The following PTPRA variants were observed in gnomAD, a reference collection of about 807,000 sequenced individuals.
PTPRA encodes the protein protein tyrosine phosphatase receptor type A.
In PTPRA, 25 loss-of-function variants were observed where a neutral mutation model predicts 104.8. The observed-to-expected ratio is 0.24, with a 90% CI of 0.17 to 0.33. The LOEUF (loss-of-function observed/expected upper bound fraction) is 0.33, where lower values mean the gene tolerates loss of function less well. Among genes scored for constraint, PTPRA ranks in the 10% least tolerant of loss-of-function variants. The pLI, the probability that PTPRA is intolerant of heterozygous loss-of-function variation, is 1.00. For synonymous variants in PTPRA, 323 were observed against 368.9 expected (o/e 0.88, Z 1.43); for missense variants, 765 against 1,015.3 (o/e 0.75, Z 3.35).
intron 3 of PTPRA, among the ~76,000 whole-genome samples, chr20:2,963,094 T>C (rs972941774): frequency 7.2e-5 from 11 of 152,160 alleles, no homozygotes; most frequent in Admixed American, 4.6e-4. Flanking sequence ...TGCTACTATC[T>C]TACATGGTTC....
chr20:2,927,881 G>A (rs182144973), intron 2 of PTPRA, among the ~76,000 whole-genome samples: 2 of 151,884 alleles, frequency 1.3e-5, no homozygotes, highest in Admixed American at 1.3e-4. Context: ...GTGGTGGTGG[G>A]TGCCTGTAAT....
chr20:3,008,048 T>C (rs151035514), intron 11 of PTPRA, among the ~76,000 whole-genome samples: 1 of 152,272 alleles, frequency 6.6e-6, no homozygotes, highest in African/African-American at 2.4e-5. Context: ...TTTTATAGGT[T>C]TGGGGGAAGC....
chr20:2,984,330 A>G (rs762328891), intron 6 of PTPRA, among the ~76,000 whole-genome samples: 2 of 152,072 alleles, frequency 1.3e-5, no homozygotes, highest in Non-Finnish European at 2.9e-5. Flanking sequence ...TCCTTTTTCT[A>G]TCTTTATTTC....
intron 1 of PTPRA, among the ~76,000 whole-genome samples, chr20:2,920,714 T>G (rs1258614236): frequency 2.0e-5 from 3 of 151,356 alleles, no homozygotes; most frequent in African/African-American, 7.3e-5. Flanking sequence ...GGTGAGGGTG[T>G]ATGTCAGAGG....
chr20:2,921,580 C>T (rs141463805), intron 1 of PTPRA, among the ~76,000 whole-genome samples: 1 of 151,708 alleles, frequency 6.6e-6, no homozygotes, highest in African/African-American at 2.4e-5. Context: ...TTTTTCCCCC[C>T]AGTGATTCTT....
At chr20:2,877,149 T>C (rs1270088300) in intron 1 of PTPRA, among the ~76,000 whole-genome samples, 1 of 152,156 alleles carries the variant, frequency 6.6e-6, no homozygotes, top group Non-Finnish European at 1.5e-5. Flanking sequence ...CAGGGGAAGT[T>C]TGAGTTATGA....
intron 2 of PTPRA, among the ~76,000 whole-genome samples, chr20:2,929,842 A>AG (rs1346779498): frequency 3.3e-5 from 5 of 152,122 alleles, no homozygotes; most frequent in Admixed American, 6.6e-5. Context: ...GGAAAAAAAA[A>AG]TTTTAAGTAG....
At chr20:3,017,962 A>C (rs1249168700) in intron 13 of PTPRA, 49 bp downstream of exon 13, 5 of 1,479,960 alleles carry the variant, frequency 3.4e-6, no homozygotes, top group Middle Eastern at 3.5e-4. Flanking sequence ...CTCTGCATAT[A>C]AGCTCTGAGT....
intron 2 of PTPRA, among the ~76,000 whole-genome samples, chr20:2,935,278 A>C (rs749314071): frequency 6.6e-6 from 1 of 152,176 alleles, no homozygotes; most frequent in African/African-American, 2.4e-5. Context: ...TTCGTTTAAC[A>C]TAATGTCCTC....
intron 9 of PTPRA, among the ~76,000 whole-genome samples, chr20:3,003,553 T>G (rs2063728965): frequency 6.6e-6 from 1 of 152,176 alleles, no homozygotes; most frequent in African/African-American, 2.4e-5. Context: ...CTTTCTTGTT[T>G]GTTTTTATAG....
chr20:2,964,944 A>T lies in PTPRA; in HGVS notation c.157A>T (p.Thr53Ser). ...AGAAGAGGCCAAAACTTCAAATCCA[A>T]CTTCTTCACTAACTTCTCTTTCTGT... ...VKEEAKTSNP[T>S]SSLTSLSVAP... Residue 53 changes from threonine (T) to serine (S), a missense_variant, in exon 5 of 24, where the codon ACT (threonine) becomes TCT (serine). Physicochemically the swap from Thr to Ser is moderately conservative, Grantham distance 58. This residue lies in a region of PTPRA where 256 missense variants were observed against 248.9 expected (regional missense o/e 1.03). Coordinates refer to ENST00000399903, the MANE Select transcript of PTPRA (RefSeq NM_001385305.1). 6.2e-7 allele frequency: 1 copy of T among 1,613,950 alleles called. No homozygotes were observed. The highest frequency in any genetic ancestry group is 8.5e-7 in the Non-Finnish European group (1 of 1,179,828).
intron 10 of PTPRA, among the ~76,000 whole-genome samples, chr20:3,005,824 CT>C (rs2148301909): frequency 6.6e-6 from 1 of 152,214 alleles, no homozygotes; most frequent in South Asian, 2.1e-4. Flanking sequence ...GCAGAGTTCT[CT>C]GTATAAACCC....
intron 2 of PTPRA, among the ~76,000 whole-genome samples, chr20:2,926,931 C>T (rs2060322084): frequency 6.6e-6 from 1 of 151,952 alleles, no homozygotes; most frequent in Non-Finnish European, 1.5e-5. Context: ...GCTGGGATTA[C>T]AGGCACCCGC....
intron 3 of PTPRA, chr20:2,955,688 C>T: frequency 1.0e-6 from 1 of 983,578 alleles, no homozygotes; most frequent in Non-Finnish European, 1.2e-6. Flanking sequence ...CTACTCCACC[C>T]TCCCCTGGTG....
At position 3,037,196 on chromosome 20, in the gene PTPRA, C is replaced by A; in HGVS notation, c.2241C>A (p.Thr747=). ...CGGGGACCTTCTGTGCCCTGAGCAC[C>A]GTCCTGGAGCGTGTGAAAGCAGAGG... The part of the protein sequence containing the change: ...GRTGTFCALS[T]VLERVKAEGI... The change falls in exon 23 of 24, where the codon ACC becomes ACA. Residue 747 remains threonine (T), a synonymous_variant. Transcript: ENST00000399903. This position sits in a 1 kb window ranked among gnomAD's most constrained non-coding sequence, Gnocchi z 4.3. The A allele has an allele frequency of 1.2e-6, 2 of 1,614,176 alleles. No individual in the cohort carries two copies. The highest frequency in any genetic ancestry group is 1.7e-6 in the Non-Finnish European group (2 of 1,180,002).
At chr20:2,958,175 G>T (rs987025145) in intron 3 of PTPRA, among the ~76,000 whole-genome samples, 1 of 152,200 alleles carries the variant, frequency 6.6e-6, no homozygotes, top group Non-Finnish European at 1.5e-5. Context: ...GAAGGCCTGG[G>T]TGAGGTCAGA....
intron 5 of PTPRA, among the ~76,000 whole-genome samples, chr20:2,972,311 AC>A (rs1395978229): frequency 6.6e-6 from 1 of 151,646 alleles, no homozygotes; most frequent in Non-Finnish European, 1.5e-5. Context: ...ACTTAAGCAA[AC>A]CCCACCTCAG....
At chr20:2,924,207 G>C (rs35676594) in intron 2 of PTPRA, among the ~76,000 whole-genome samples, 5,344 of 152,122 alleles carry the variant, frequency 0.035, 260 homozygotes, top group African/African-American at 0.11. Context: ...CAGTTGACCA[G>C]CCTGGTCAAC....
the PTPRA span, among the ~76,000 whole-genome samples, chr20:2,867,721 C>T: frequency 2.6e-5 from 4 of 152,240 alleles, no homozygotes; most frequent in African/African-American, 9.6e-5. Context: ...GAGGAAACCA[C>T]AGCCAGAGGG....
Sources: gnomAD v4.1 joint callset for allele counts (sites outside exome capture counted in the v4.1 genomes callset) on GRCh38, gnomAD v4.1.1 for gene constraint, gnomAD v4.1.1 regional missense constraint, Gnocchi (gnomAD v3.1) non-coding constraint, MANE v1.5 for transcripts, NCBI Gene and HGNC (gene_info 2026-07-23, HGNC 2026-07-21) for gene names.